Variants in NEK9 observed in about 807,000 individuals in gnomAD.
The protein encoded by NEK9 is serine/threonine-protein kinase Nek9.
NEK9 carries 75 observed loss-of-function variants against 123.4 expected under a neutral mutation model. That is an observed-to-expected ratio of 0.61 (90% CI 0.50 to 0.74). The LOEUF (loss-of-function observed/expected upper bound fraction) is 0.74. NEK9 is among the 30% of genes least tolerant of loss of function. The pLI, the probability that NEK9 is intolerant of heterozygous loss-of-function variation, is 0.00. For synonymous variants in NEK9, 438 were observed against 458.7 expected, an observed-to-expected ratio of 0.95 and a Z score of 0.58; for missense variants, 952 against 1,214.4, an observed-to-expected ratio of 0.78 and a Z score of 3.21.
At chr14:75,120,840 A>G in intron 3 of NEK9, 1 of 589,342 alleles carries the variant, frequency 1.7e-6, no homozygotes, top group East Asian at 2.8e-5. Flanking sequence ...AAAATTCAGG[A>G]AGAATGCAAA....
At position 75,121,103 on chromosome 14, in the gene NEK9, C is replaced by T. The variant is rs1484544678; in HGVS notation, c.453+16G>A. On this transcript the variant is annotated intron_variant, in intron 3 of 21. Transcript: ENST00000238616. ...ACACTACAATTCTAACTTCCTTCCA[C>T]AGAAATATGAATTACCTCTTCCTCA... is the stretch of plus-strand genomic sequence containing the variant. The T allele has an allele frequency of 6.3e-7, 1 of 1,597,728 alleles. No homozygotes were observed. The highest frequency in any genetic ancestry group is 1.3e-5 in the African/African-American group (1 of 74,648).
At chr14:75,115,363 C>T (rs175460) in intron 6 of NEK9, among the ~76,000 whole-genome samples, 73,073 of 151,908 alleles carry the variant, frequency 0.48, 18,008 homozygotes, top group Middle Eastern at 0.56. Flanking sequence ...GTGATCTGTC[C>T]GCCTCAGCCT....
intron 18 of NEK9, among the ~76,000 whole-genome samples, chr14:75,092,377 G>A (rs1894248410): frequency 1.3e-5 from 2 of 149,484 alleles, no homozygotes; most frequent in East Asian, 2.0e-4. Context: ...AGTGATTCTC[G>A]TGCCTCAGCC....
intron 6 of NEK9, among the ~76,000 whole-genome samples, chr14:75,115,125 AC>A (rs1440174033): frequency 7.0e-6 from 1 of 143,770 alleles, no homozygotes; most frequent in Admixed American, 7.1e-5. Flanking sequence ...ACACACACAC[AC>A]ATTTCTTAAG....
chr14:75,106,429 G>A, intron 12 of NEK9, 73 bp downstream of exon 12: 1 of 1,260,516 alleles, frequency 7.9e-7, no homozygotes, highest in South Asian at 1.2e-5. Flanking sequence ...TGCATGATGG[G>A]TTTAGATGCA....
chr14:75,100,691 T>C (rs1426180924), intron 16 of NEK9, among the ~76,000 whole-genome samples: 1 of 152,204 alleles, frequency 6.6e-6, no homozygotes. Context: ...GCAAGTTATA[T>C]AGAAGTACTT....
chr14:75,117,362 T>C, intron 5 of NEK9, 36 bp from the exon 6 acceptor site: 1 of 1,581,172 alleles, frequency 6.3e-7, no homozygotes, highest in Non-Finnish European at 8.6e-7. Flanking sequence ...AATAACTTCT[T>C]TTCTGAGGTA....
Position 75,124,143 on chromosome 14 carries a change from A to C in NEK9, c.300T>G (p.Ile100Met). 1 of 1,613,780 alleles carries C rather than the reference A, an allele frequency of 6.2e-7. No individual in the cohort carries two copies. The highest frequency in any genetic ancestry group is 1.1e-5 in the South Asian group (1 of 91,068). The change falls in exon 2 of 22, where the codon ATT becomes ATG. Residue 100 changes from isoleucine to methionine, a missense_variant. By Grantham distance (10) the Ile-to-Met change is conservative (BLOSUM62 1). Coordinates refer to ENST00000238616, the MANE Select transcript of NEK9 (RefSeq NM_033116.6). Reference protein sequence around the residue: ...EKERRDALNEIVILALLQHDN... With the variant: ...EKERRDALNEMVILALLQHDN... ...CGTGCTGCAGCAGTGCCAGAATAACAATCTCATTCAAGGCATCACGACGTT... is the reference window on the plus strand; with the variant it reads ...CGTGCTGCAGCAGTGCCAGAATAACCATCTCATTCAAGGCATCACGACGTT...
chr14:75,081,879 G>A lies in NEK9; in HGVS notation c.*2685C>T, dbSNP rs1443885918. On this transcript the variant is annotated 3_prime_UTR_variant, in exon 22 of 22. Transcript: ENST00000238616. The surrounding 1 kb of genome is among the most constrained non-coding windows in gnomAD (Gnocchi z 4.2). Reference sequence around the variant, plus strand: ...ATTTTTTCCCTCCCTCTGCACTTTCGGCACTTTTAGACATTTTTGGGAAAA... The same window carrying A: ...ATTTTTTCCCTCCCTCTGCACTTTCAGCACTTTTAGACATTTTTGGGAAAA... 2.0e-5 allele frequency: 3 copies of A among 151,880 alleles called. No individual in the cohort carries two copies. The highest frequency in any genetic ancestry group is 4.4e-5 in the Non-Finnish European group (3 of 67,978). 9.4% of individuals were successfully genotyped at this position (151,880 alleles called of 1,614,324 possible).
At chr14:75,108,514 C>T (rs978527210) in intron 10 of NEK9, among the ~76,000 whole-genome samples, 223 of 147,912 alleles carry the variant, frequency 1.5e-3, no homozygotes, top group African/African-American at 5.3e-3. Flanking sequence ...TGTGCGTGTG[C>T]GTGTGTGTGT....
At chr14:75,104,071 CAA>C (rs1894683504) in intron 13 of NEK9, 74 bp from the exon 14 acceptor site, 2 of 1,419,466 alleles carry the variant, frequency 1.4e-6, no homozygotes, top group Non-Finnish European at 1.9e-6. Flanking sequence ...CAAATTCTTT[CAA>C]AAGAGACATG....
intron 18 of NEK9, 52 bp downstream of exon 18, chr14:75,095,320 C>T (rs372365524): frequency 5.8e-6 from 8 of 1,373,700 alleles, no homozygotes; most frequent in Non-Finnish European, 8.2e-6. Context: ...GGAATCTAAC[C>T]AAAAGACCCA....
At chr14:75,103,507 T>C (rs897545172) in intron 14 of NEK9, among the ~76,000 whole-genome samples, 8 of 152,212 alleles carry the variant, frequency 5.3e-5, no homozygotes, top group African/African-American at 1.7e-4. Context: ...TTTTTCTATA[T>C]ACATATACTG....
In NEK9 at chr14:75,101,704, T is replaced by C. The variant is rs1406912710; in HGVS notation, c.1793A>G (p.Lys598Arg). The C allele has an allele frequency of 6.2e-7, 1 of 1,614,092 alleles. No individual in the cohort carries two copies. Among genetic ancestry groups the C allele is most frequent in the Admixed American group, 1.7e-5 (1 of 60,032 alleles). The part of the protein sequence containing the change: ...FTLAKQLSFY[K>R]IRTIAPGKTH... ...CTTGCCTGGGGCAATGGTACGGATC[T>C]TATAAAAGGACAACTGTTTGGCCAA... Residue 598 changes from lysine (K) to arginine (R), a missense_variant, in exon 15 of 22, where the codon AAG becomes AGG. Physicochemically the swap from Lys to Arg is conservative, Grantham distance 26. Coordinates refer to ENST00000238616, the MANE Select transcript of NEK9 (RefSeq NM_033116.6).
At chr14:75,108,879 C>T (rs1894869984) in intron 10 of NEK9, among the ~76,000 whole-genome samples, 1 of 152,080 alleles carries the variant, frequency 6.6e-6, no homozygotes. Context: ...ATACTAATTT[C>T]TCTCCAGCAG....
intron 20 of NEK9, 73 bp from the exon 21 acceptor site, chr14:75,087,303 A>C: frequency 9.1e-7 from 1 of 1,098,146 alleles, no homozygotes; most frequent in Non-Finnish European, 1.3e-6. Flanking sequence ...ACTTCCTCTA[A>C]GTGCAATCGG....
intron 13 of NEK9, among the ~76,000 whole-genome samples, chr14:75,105,494 G>A (rs1226566051): frequency 6.6e-6 from 1 of 152,178 alleles, no homozygotes; most frequent in Non-Finnish European, 1.5e-5. Flanking sequence ...GCAAGGCTGA[G>A]AGTAATTAGA....
intron 8 of NEK9, among the ~76,000 whole-genome samples, chr14:75,112,078 T>G (rs889817422): frequency 6.6e-6 from 1 of 152,084 alleles, no homozygotes; most frequent in Non-Finnish European, 1.5e-5. Flanking sequence ...ACTAAAACAC[T>G]GGCTACAGAC....
At chr14:75,121,210 A>C (rs773210071) in intron 2 of NEK9, 36 bp from the exon 3 acceptor site, 2 of 1,547,954 alleles carry the variant, frequency 1.3e-6, no homozygotes, top group Non-Finnish European at 1.8e-6. Context: ...GAATTGCTTA[A>C]TACAGATCAA....
Sources: gnomAD v4.1 joint callset for allele counts (sites outside exome capture counted in the v4.1 genomes callset) on GRCh38, gnomAD v4.1.1 for gene constraint, Gnocchi (gnomAD v3.1) non-coding constraint, MANE v1.5 for transcripts, NCBI Gene and HGNC (gene_info 2026-07-23, HGNC 2026-07-21) for gene names.